Variants in RBFOX1 observed in about 807,000 individuals in gnomAD.
RBFOX1 encodes RNA binding protein fox-1 homolog 1.
A neutral mutation model predicts 57.7 loss-of-function variants in RBFOX1; 8 were observed. The ratio of observed to expected loss-of-function variants is 0.14; its 90% confidence interval spans 0.08 to 0.25. RBFOX1 has a LOEUF of 0.25. RBFOX1 is among the 10% of genes least tolerant of loss of function. The pLI is 1.00. For synonymous variants in RBFOX1, 326 were observed against 222.4 expected (o/e 1.47, Z -4.15); for missense variants, 611 against 548.5 (o/e 1.11, Z -1.14).
At chr16:5,359,337 G>C (rs1466376166) in intron 1 of RBFOX1, among the ~76,000 whole-genome samples, 4 of 152,218 alleles carry the variant, frequency 2.6e-5, no homozygotes, top group African/African-American at 9.6e-5. Flanking sequence ...ACCCAGCAAT[G>C]GGATTGCTGG....
chr16:7,398,030 C>G (rs1430005500), intron 4 of RBFOX1, among the ~76,000 whole-genome samples: 1 of 151,878 alleles, frequency 6.6e-6, no homozygotes, highest in East Asian at 1.9e-4. Flanking sequence ...AAGCGATATC[C>G]TCAGAGCAAC....
At chr16:6,299,459 C>T (rs373549752) in intron 1 of RBFOX1, among the ~76,000 whole-genome samples, 4 of 152,074 alleles carry the variant, frequency 2.6e-5, no homozygotes, top group African/African-American at 4.8e-5. Flanking sequence ...TCAGAGAGGT[C>T]GAGTAACTTG....
chr16:5,357,441 G>A (rs928848080), intron 1 of RBFOX1, among the ~76,000 whole-genome samples: 4 of 152,230 alleles, frequency 2.6e-5, no homozygotes, highest in African/African-American at 9.6e-5. Flanking sequence ...GAACAACGCA[G>A]TCTACAGGGA....
intron 4 of RBFOX1, among the ~76,000 whole-genome samples, chr16:7,127,791 C>A (rs57489743): frequency 0.026 from 3,933 of 152,278 alleles, 174 homozygotes; most frequent in African/African-American, 0.09. Context: ...AGCCTTGGCA[C>A]ATCTTGGTAG....
chr16:5,650,979 C>T (rs2049216525), intron 3 of RBFOX1, among the ~76,000 whole-genome samples: 1 of 146,868 alleles, frequency 6.8e-6, no homozygotes, highest in African/African-American at 2.6e-5. Flanking sequence ...CCTGTCCTTC[C>T]TTGCTGTCCC....
chr16:7,639,394 T>C (rs2062369328), intron 11 of RBFOX1, among the ~76,000 whole-genome samples: 1 of 152,212 alleles, frequency 6.6e-6, no homozygotes, highest in Non-Finnish European at 1.5e-5. Flanking sequence ...TGTGTCCTCT[T>C]TGTCATTTTC....
intron 2 of RBFOX1, among the ~76,000 whole-genome samples, chr16:6,612,495 G>C (rs965684776): frequency 6.6e-6 from 1 of 152,114 alleles, no homozygotes; most frequent in Non-Finnish European, 1.5e-5. Context: ...CTTTTACAAG[G>C]CAGTTGGAAT....
intron 4 of RBFOX1, among the ~76,000 whole-genome samples, chr16:7,362,278 TGTTA>T (rs2097340234): frequency 7.0e-6 from 1 of 143,314 alleles, no homozygotes; most frequent in Non-Finnish European, 1.5e-5. Context: ...TTTGTGTGTA[TGTTA>T]GTATGTGTAT....
intron 1 of RBFOX1, among the ~76,000 whole-genome samples, chr16:6,313,534 G>A (rs934942619): frequency 2.2e-4 from 34 of 152,304 alleles, no homozygotes; most frequent in African/African-American, 8.2e-4. Flanking sequence ...GGCTGTCCAA[G>A]GGTCATCAAC....
At chr16:6,183,260 C>A (rs2097078971) in intron 1 of RBFOX1, among the ~76,000 whole-genome samples, 1 of 151,902 alleles carries the variant, frequency 6.6e-6, no homozygotes, top group Admixed American at 6.6e-5. Context: ...GCGGGCAGAT[C>A]AGGAGGTCAG....
At chr16:7,264,307 C>G (rs1015659222) in intron 4 of RBFOX1, among the ~76,000 whole-genome samples, 2 of 152,152 alleles carry the variant, frequency 1.3e-5, no homozygotes, top group African/African-American at 2.4e-5. Context: ...GGCACTAAAG[C>G]AAAAACAAAT....
intron 3 of RBFOX1, among the ~76,000 whole-genome samples, chr16:6,783,504 A>G (rs749255558): frequency 3.3e-5 from 5 of 151,618 alleles, no homozygotes; most frequent in Non-Finnish European, 4.4e-5. Flanking sequence ...CTCTGGTCAC[A>G]AAGAAAAAAC....
intron 4 of RBFOX1, among the ~76,000 whole-genome samples, chr16:7,509,406 G>GTGTGTGTGTGTCTGTGTC (rs1363640402): frequency 1.3e-5 from 2 of 149,380 alleles, no homozygotes; most frequent in African/African-American, 5.1e-5. Flanking sequence ...GTGTGTGTGT[G>GTGTGTGTGTGTCTGTGTC]TGTGTGTGTG....
intron 2 of RBFOX1, among the ~76,000 whole-genome samples, chr16:6,394,483 C>G (rs1045193273): frequency 1.4e-5 from 2 of 147,694 alleles, no homozygotes; most frequent in African/African-American, 5.0e-5. Context: ...AAATTTACCC[C>G]CCAGAATAGC....
At chr16:6,561,731 A>G (rs1258201488) in intron 2 of RBFOX1, among the ~76,000 whole-genome samples, 1 of 152,172 alleles carries the variant, frequency 6.6e-6, no homozygotes, top group Non-Finnish European at 1.5e-5. Context: ...GAATTTTTAA[A>G]TACTGTAATT....
At chr16:7,115,209 G>T (rs1156568487) in intron 4 of RBFOX1, among the ~76,000 whole-genome samples, 1 of 152,104 alleles carries the variant, frequency 6.6e-6, no homozygotes, top group African/African-American at 2.4e-5. Flanking sequence ...TGATGAAAAT[G>T]GATGTAAGTA....
chr16:7,091,132 T>A (rs1208534207), intron 4 of RBFOX1, among the ~76,000 whole-genome samples: 2 of 86,784 alleles, frequency 2.3e-5, no homozygotes, highest in Non-Finnish European at 4.7e-5. Flanking sequence ...TCGTTTCTCT[T>A]TACTTTTTAG....
chr16:7,265,614 A>G (rs569643161), intron 4 of RBFOX1, among the ~76,000 whole-genome samples: 96 of 151,850 alleles, frequency 6.3e-4, no homozygotes, highest in African/African-American at 2.2e-3. Flanking sequence ...ACGCCTGGCT[A>G]ATTTTTGTAT....
chr16:7,406,341 G>A (rs919991502), intron 4 of RBFOX1, among the ~76,000 whole-genome samples: 3 of 152,164 alleles, frequency 2.0e-5, no homozygotes, highest in Non-Finnish European at 2.9e-5. Flanking sequence ...ACTGCACTGC[G>A]TTATAGAAGA....
Sources: allele counts gnomAD v4.1 joint callset (sites outside exome capture counted in the v4.1 genomes callset), GRCh38; gene constraint gnomAD v4.1.1; transcripts MANE v1.5; gene names NCBI Gene and HGNC (gene_info 2026-07-23, HGNC 2026-07-21).